Variants in USP54 observed in about 807,000 individuals in gnomAD.
The protein encoded by USP54 is ubiquitin carboxyl-terminal hydrolase 54.
A neutral mutation model predicts 170.5 loss-of-function variants in USP54; 87 were observed. That is an observed-to-expected ratio of 0.51 (90% CI 0.43 to 0.61). USP54 has a LOEUF of 0.61. Ranked by LOEUF, USP54 falls within the 20% of genes least tolerant of loss-of-function variation. USP54 has a pLI of 0.00. For synonymous variants in USP54, 655 were observed against 742.8 expected (o/e 0.88, Z 1.92); for missense variants, 1,786 against 2,047.8 (o/e 0.87, Z 2.47).
At chr10:73,522,374 A>T (rs1285272519) in intron 17 of USP54, among the ~76,000 whole-genome samples, 1 of 152,186 alleles carries the variant, frequency 6.6e-6, no homozygotes, top group African/African-American at 2.4e-5. Context: ...TTGATCAATC[A>T]CTGTACTAAA....
chr10:73,559,050 C>T (rs1413589689), intron 4 of USP54, among the ~76,000 whole-genome samples: 1 of 152,068 alleles, frequency 6.6e-6, no homozygotes, highest in African/African-American at 2.4e-5. Context: ...AGTTCAAACC[C>T]GTGTTGTTCA....
Position 73,529,868 on chromosome 10 carries a change from G to GT in USP54, c.1871dup (p.Tyr624Ter). The GT allele has an allele frequency of 6.4e-7, 1 of 1,557,416 alleles. No homozygotes were observed. The change falls in exon 15 of 24, where the codon TAC (tyrosine) becomes TAAC (stop). Residue 624 changes from tyrosine to a stop codon, truncating the protein, a stop_gained and frameshift_variant. Transcript: ENST00000687698. LOFTEE classifies it high-confidence loss of function. Reference protein sequence around the residue: ...IPDEPSKPPSYDIKFGGPSPQ... With the variant: ...IPDEPSKPPS ...GGCTTGGTCCACCAAATTTAATGTC[G>GT]TAAGAAGGTGGCTTGCTTGGTTCAT... is the stretch of plus-strand genomic sequence containing the variant.
At chr10:73,621,394 GA>G (rs1012633566) in intron 1 of USP54, among the ~76,000 whole-genome samples, 4 of 150,272 alleles carry the variant, frequency 2.7e-5, no homozygotes, top group African/African-American at 5.0e-5. Context: ...AAGGTCAGGA[GA>G]TCAAGACCAT....
At chr10:73,530,892 T>C (rs1453204883) in intron 12 of USP54, 57 bp from the exon 13 acceptor site, 1 of 1,606,214 alleles carries the variant, frequency 6.2e-7, no homozygotes, top group Non-Finnish European at 8.5e-7. Flanking sequence ...TCCACCCTCC[T>C]GAGAACCTAC....
chr10:73,573,132 A>G (rs747838424), intron 3 of USP54, among the ~76,000 whole-genome samples: 1 of 152,006 alleles, frequency 6.6e-6, no homozygotes, highest in African/African-American at 2.4e-5. Flanking sequence ...AAACAATTAA[A>G]AAAAAAAATT....
chr10:73,511,085 G>A (rs1455739497), intron 20 of USP54, among the ~76,000 whole-genome samples: 1 of 146,580 alleles, frequency 6.8e-6, no homozygotes, highest in Non-Finnish European at 1.5e-5. Flanking sequence ...CAAAGTTTCT[G>A]ATGAAAACAC....
chr10:73,525,045 G>C (rs976719092), intron 16 of USP54, among the ~76,000 whole-genome samples: 6 of 152,120 alleles, frequency 3.9e-5, no homozygotes, highest in Non-Finnish European at 8.8e-5. Flanking sequence ...AATAGATCCA[G>C]AAGGATGTCC....
chr10:73,577,889 C>G (rs1313962432), intron 1 of USP54, among the ~76,000 whole-genome samples: 1 of 152,150 alleles, frequency 6.6e-6, no homozygotes, highest in Non-Finnish European at 1.5e-5. Flanking sequence ...ATACACACCC[C>G]ACTCAAGGCC....
intron 1 of USP54, among the ~76,000 whole-genome samples, chr10:73,606,202 A>T (rs2079614639): frequency 6.7e-6 from 1 of 148,294 alleles, no homozygotes; most frequent in African/African-American, 2.6e-5. Flanking sequence ...AAAAAAAAAA[A>T]ATGAGAGTGC....
chr10:73,529,379 G>A (rs529518479), intron 15 of USP54: 124 of 400,292 alleles, frequency 3.1e-4, no homozygotes, highest in Middle Eastern at 2.4e-3. Flanking sequence ...AAAATAATCT[G>A]TACAATGAAC....
At chr10:73,550,174 T>C (rs1428069798) in intron 4 of USP54, among the ~76,000 whole-genome samples, 1 of 152,236 alleles carries the variant, frequency 6.6e-6, no homozygotes, top group Non-Finnish European at 1.5e-5. Context: ...TCCACCTGCC[T>C]CAGCCTCCCA....
chr10:73,617,664 T>G (rs1160498272), intron 1 of USP54, among the ~76,000 whole-genome samples: 1 of 149,826 alleles, frequency 6.7e-6, no homozygotes, highest in Non-Finnish European at 1.5e-5. Flanking sequence ...ACCTCATCTC[T>G]TCAAAAAAAT....
chr10:73,546,148 T>C (rs1413178290), intron 4 of USP54, among the ~76,000 whole-genome samples: 1 of 152,230 alleles, frequency 6.6e-6, no homozygotes, highest in Admixed American at 6.5e-5. Context: ...GTGAGTCTAA[T>C]ACCCAGAAAT....
chr10:73,622,530 G>A (rs1370945116), intron 1 of USP54, among the ~76,000 whole-genome samples: 4 of 151,904 alleles, frequency 2.6e-5, no homozygotes, highest in Non-Finnish European at 4.4e-5. Context: ...CACCATGTTG[G>A]CCAGGCTGAT....
rs1448637597 is a variant in USP54 at position 73,545,652 on chromosome 10, C to G, written c.261G>C (p.Gln87His). 2 of 1,614,122 alleles carry G rather than the reference C, an allele frequency of 1.2e-6. No homozygotes were observed. The highest frequency in any genetic ancestry group is 2.2e-5 in the South Asian group (2 of 91,080). Residue 87 changes from glutamine (Q) to histidine (H), a missense_variant, in exon 5 of 24, where the codon CAG (glutamine) becomes CAC (histidine). This residue lies in a region of USP54 where 361 missense variants were observed against 455.0 expected (regional missense o/e 0.79). Coordinates refer to ENST00000687698, the MANE Select transcript of USP54 (RefSeq NM_001391956.1). ...CALKGIFNQF[Q>H]CSSEKVLPSD... The stretch of plus-strand genomic sequence containing the variant: ...ATGGAAGCACTTTTTCACTACTACA[C>G]TGAAACTGGTTAAAGATTCCCTATA...
At chr10:73,562,591 T>C (rs908263065) in intron 4 of USP54, among the ~76,000 whole-genome samples, 5 of 152,346 alleles carry the variant, frequency 3.3e-5, no homozygotes, top group African/African-American at 1.2e-4. Flanking sequence ...TGATGTTTTA[T>C]GAGATTAGCC....
chr10:73,577,449 C>G (rs2076268192), intron 1 of USP54, among the ~76,000 whole-genome samples: 1 of 152,130 alleles, frequency 6.6e-6, no homozygotes, highest in African/African-American at 2.4e-5. Context: ...ATTATACAGC[C>G]TACTGTCACA....
chr10:73,599,906 T>TC (rs1381625083), intron 1 of USP54, among the ~76,000 whole-genome samples: 1 of 150,840 alleles, frequency 6.6e-6, no homozygotes, highest in Non-Finnish European at 1.5e-5. Flanking sequence ...GGGCTTTTTT[T>TC]TTTTTTTTTT....
intron 16 of USP54, 100 bp from the exon 17 acceptor site, chr10:73,523,850 G>T: frequency 2.5e-6 from 2 of 805,568 alleles, no homozygotes; most frequent in Non-Finnish European, 3.5e-6. Context: ...TGGAATTCTT[G>T]CTTTCAATTT....
Sources: gnomAD v4.1 joint callset for allele counts (sites outside exome capture counted in the v4.1 genomes callset) on GRCh38, gnomAD v4.1.1 for gene constraint, gnomAD v4.1.1 regional missense constraint, MANE v1.5 for transcripts, NCBI Gene and HGNC (gene_info 2026-07-23, HGNC 2026-07-21) for gene names.